The following ASB3 variants were observed in gnomAD, a reference collection of about 807,000 sequenced individuals.
The protein encoded by ASB3 is ankyrin repeat and SOCS box protein 3.
In ASB3, 41 loss-of-function variants were observed where a neutral mutation model predicts 54.5. That is an observed-to-expected ratio of 0.75 (90% confidence interval 0.59 to 0.98). ASB3 has a LOEUF of 0.98. Ranked by LOEUF, ASB3 falls within the 50% of genes least tolerant of loss-of-function variation. ASB3 has a pLI of 0.00. For synonymous variants in ASB3, 266 were observed against 221.2 expected (o/e 1.20, Z -1.80); for missense variants, 733 against 620.0 (o/e 1.18, Z -1.94).
At chr2:53,685,944 G>C (rs896931668) in intron 9 of ASB3, among the ~76,000 whole-genome samples, 1 of 152,152 alleles carries the variant, frequency 6.6e-6, no homozygotes, top group South Asian at 2.1e-4. Flanking sequence ...CAGTGCCTTG[G>C]GCTGATCCTG....
chr2:53,707,646 C>CAA (rs760618822), intron 7 of ASB3, among the ~76,000 whole-genome samples: 39 of 114,370 alleles, frequency 3.4e-4, no homozygotes, highest in East Asian at 1.2e-3. Context: ...GACTCCGTCT[C>CAA]AAAAAAAAAA....
At chr2:53,721,054 G>A (rs564065968) in intron 5 of ASB3, among the ~76,000 whole-genome samples, 1 of 151,556 alleles carries the variant, frequency 6.6e-6, no homozygotes, top group African/African-American at 2.4e-5. Flanking sequence ...GGAGGGGGAG[G>A]TTGCAGTGAG....
chr2:53,724,440 A>C (rs1670880023), intron 5 of ASB3, among the ~76,000 whole-genome samples: 1 of 152,104 alleles, frequency 6.6e-6, no homozygotes, highest in Non-Finnish European at 1.5e-5. Context: ...TCTACTAAAA[A>C]TACAAAAAAT....
chr2:53,745,490 G>A (rs1672173110), intron 3 of ASB3, among the ~76,000 whole-genome samples: 1 of 152,132 alleles, frequency 6.6e-6, no homozygotes, highest in Non-Finnish European at 1.5e-5. Context: ...GTGTAAAGAA[G>A]ATAGTCCCAT....
intron 8 of ASB3, among the ~76,000 whole-genome samples, chr2:53,695,685 C>T (rs1572858265): frequency 1.3e-5 from 2 of 152,064 alleles, no homozygotes; most frequent in South Asian, 2.1e-4. Context: ...TACTTTACTA[C>T]AGAGACCATT....
intron 1 of ASB3, among the ~76,000 whole-genome samples, chr2:53,782,889 T>G (rs1674730520): frequency 6.6e-6 from 1 of 151,984 alleles, no homozygotes; most frequent in Non-Finnish European, 1.5e-5. Context: ...CAGGTTTAAG[T>G]GATTCTCCTG....
At chr2:53,765,773 G>C (rs747689648) in intron 1 of ASB3, among the ~76,000 whole-genome samples, 188 bp from the exon 2 acceptor site, 1 of 152,142 alleles carries the variant, frequency 6.6e-6, no homozygotes, top group African/African-American at 2.4e-5. Context: ...TCTCTGTTTG[G>C]CAGATTGGAA....
At chr2:53,776,790 G>C (rs1388143999) in intron 1 of ASB3, among the ~76,000 whole-genome samples, 2 of 152,114 alleles carry the variant, frequency 1.3e-5, no homozygotes, top group African/African-American at 4.8e-5. Context: ...CTGCACTCCA[G>C]GCTGGGCAAC....
intron 1 of ASB3, among the ~76,000 whole-genome samples, chr2:53,776,652 C>CT (rs1409094097): frequency 6.6e-6 from 1 of 152,010 alleles, no homozygotes; most frequent in African/African-American, 2.4e-5. Context: ...AGCACCATCT[C>CT]TATAAAAAAT....
At chr2:53,711,805 G>A (rs539361614) in intron 7 of ASB3, among the ~76,000 whole-genome samples, 104 of 151,774 alleles carry the variant, frequency 6.9e-4, no homozygotes, top group African/African-American at 2.3e-3. Flanking sequence ...GGGAAAATTC[G>A]TTTTCATGTG....
At chr2:53,760,921 T>A (rs554148471) in intron 2 of ASB3, among the ~76,000 whole-genome samples, 1 of 152,288 alleles carries the variant, frequency 6.6e-6, no homozygotes, top group East Asian at 1.9e-4. Flanking sequence ...AGATCTACCG[T>A]GGACCCCTGG....
chr2:53,670,778 T>C (rs2104003812), intron 9 of ASB3, 88 bp from the exon 10 acceptor site: 2 of 1,415,316 alleles, frequency 1.4e-6, no homozygotes, highest in Middle Eastern at 1.9e-4. Flanking sequence ...CCCCCAACTC[T>C]TAGTAATAAA....
chr2:53,771,497 G>A (rs1013164248), intron 1 of ASB3, among the ~76,000 whole-genome samples: 1 of 151,956 alleles, frequency 6.6e-6, no homozygotes, highest in Non-Finnish European at 1.5e-5. Flanking sequence ...TGGGCTTGTT[G>A]AGCAAAACTC....
At chr2:53,709,485 G>T (rs896004003) in intron 7 of ASB3, among the ~76,000 whole-genome samples, 1 of 152,178 alleles carries the variant, frequency 6.6e-6, no homozygotes, top group African/African-American at 2.4e-5. Flanking sequence ...AGGAGGGAAG[G>T]AGAGAGCCTG....
intron 5 of ASB3, 111 bp from the exon 6 acceptor site, chr2:53,716,854 C>G: frequency 8.5e-7 from 1 of 1,182,250 alleles, no homozygotes. Flanking sequence ...AAGCTTTTCC[C>G]TCTTCACTGA....
intron 5 of ASB3, among the ~76,000 whole-genome samples, chr2:53,717,426 C>T (rs979881373): frequency 6.6e-6 from 1 of 151,886 alleles, no homozygotes; most frequent in South Asian, 2.1e-4. Context: ...ATAAATAATG[C>T]CTACAATCAG....
chr2:53,770,236 G>C (rs1277673193), intron 1 of ASB3, among the ~76,000 whole-genome samples: 3 of 152,204 alleles, frequency 2.0e-5, no homozygotes, highest in Middle Eastern at 3.4e-3. Flanking sequence ...TGTATGAGAA[G>C]ACTAACAGGA....
intron 7 of ASB3, among the ~76,000 whole-genome samples, chr2:53,709,522 T>C (rs1669973758): frequency 6.6e-6 from 1 of 152,134 alleles, no homozygotes; most frequent in Admixed American, 6.5e-5. Context: ...AGAAAGTTAG[T>C]ATAAGATGTT....
intron 1 of ASB3, among the ~76,000 whole-genome samples, chr2:53,780,613 T>C (rs922664029): frequency 2.6e-5 from 4 of 152,096 alleles, no homozygotes; most frequent in African/African-American, 9.7e-5. Context: ...ACCATGTCTC[T>C]ACAAAAATGT....
Sources: allele counts gnomAD v4.1 joint callset (sites outside exome capture counted in the v4.1 genomes callset), GRCh38; gene constraint gnomAD v4.1.1; transcripts MANE v1.5; gene names NCBI Gene and HGNC (gene_info 2026-07-23, HGNC 2026-07-21).